GPATCH2L: variants seen among roughly 807,000 people sequenced by gnomAD.
GPATCH2L encodes the protein G patch domain-containing protein 2-like.
In GPATCH2L, 31 loss-of-function variants were observed where a neutral mutation model predicts 57.4. That is an observed-to-expected ratio of 0.54 (90% CI 0.41 to 0.73). The LOEUF is 0.73. Among genes scored for constraint, GPATCH2L ranks in the 30% least tolerant of loss-of-function variants. The pLI is 0.00. For synonymous variants in GPATCH2L, 199 were observed against 210.7 expected (o/e 0.94, Z 0.48); for missense variants, 481 against 599.9 (o/e 0.80, Z 2.07).
chr14:76,225,229 G>C (rs1425273408), intron 1 of GPATCH2L, among the ~76,000 whole-genome samples: 1 of 152,166 alleles, frequency 6.6e-6, no homozygotes, highest in East Asian at 1.9e-4. Flanking sequence ...TAAAGTTACA[G>C]TAATTAATAC....
At chr14:76,178,310 T>C in intron 7 of GPATCH2L, 1 of 1,346,976 alleles carries the variant, frequency 7.4e-7, no homozygotes, top group South Asian at 1.3e-5. Context: ...AGCCTAAACG[T>C]ATGGAGCAGA....
intron 1 of GPATCH2L, among the ~76,000 whole-genome samples, chr14:76,224,581 A>G (rs902257416): frequency 6.6e-6 from 1 of 152,150 alleles, no homozygotes; most frequent in Non-Finnish European, 1.5e-5. Flanking sequence ...CTTACAGGAA[A>G]TATCATAGTT....
Position 76,210,543 on chromosome 14 carries a change from A to T in GPATCH2L, c.*8692A>T, listed in dbSNP as rs1054322145. On this transcript the variant is annotated 3_prime_UTR_variant, in exon 10 of 10. Transcript: ENST00000261530. ...GGGCTCATCCCTTCTCTGTGCGTAC[A>T]TGATTGAAAGGAGATAGCCGGTTTC... 4 of 152,188 alleles carry T rather than the reference A, an allele frequency of 2.6e-5. No homozygotes were observed. The highest frequency in any genetic ancestry group is 6.6e-5 in the Admixed American group (1 of 15,266). The allele number at this position is 152,188 out of a possible 1,614,324, so 9.4% of individuals were successfully genotyped here.
chr14:76,199,958 A>G (rs1182626672), intron 9 of GPATCH2L, among the ~76,000 whole-genome samples: 2 of 152,240 alleles, frequency 1.3e-5, no homozygotes, highest in African/African-American at 2.4e-5. Context: ...AATTTGCCGT[A>G]TATATACAAT....
intron 2 of GPATCH2L, among the ~76,000 whole-genome samples, chr14:76,158,055 T>C (rs917599883): frequency 3.2e-4 from 48 of 152,246 alleles, no homozygotes; most frequent in African/African-American, 1.1e-3. Flanking sequence ...AGCTATTAGG[T>C]GACTGTAGCC....
intron 8 of GPATCH2L, among the ~76,000 whole-genome samples, chr14:76,185,813 C>T (rs2039744282): frequency 6.6e-6 from 1 of 151,974 alleles, no homozygotes; most frequent in Middle Eastern, 3.2e-3. Flanking sequence ...AAATGTTATA[C>T]GTGTTTCTTA....
chr14:76,189,762 A>G (rs2039897214), intron 8 of GPATCH2L, among the ~76,000 whole-genome samples: 1 of 152,108 alleles, frequency 6.6e-6, no homozygotes, highest in African/African-American at 2.4e-5. Context: ...GAAGGTGGGC[A>G]TCCTTATCAT....
intron 9 of GPATCH2L, among the ~76,000 whole-genome samples, chr14:76,200,904 G>A (rs2040293906): frequency 6.6e-6 from 1 of 152,170 alleles, no homozygotes. Flanking sequence ...GGGTAGAGAT[G>A]ATGGTGGTTT....
At chr14:76,186,616 A>G (rs1367183601) in intron 8 of GPATCH2L, among the ~76,000 whole-genome samples, 1 of 152,200 alleles carries the variant, frequency 6.6e-6, no homozygotes, top group African/African-American at 2.4e-5. Context: ...AGTATTGTCT[A>G]TAAGGCTGCC....
intron 2 of GPATCH2L, among the ~76,000 whole-genome samples, chr14:76,158,926 C>G (rs1179447080): frequency 6.6e-6 from 1 of 152,126 alleles, no homozygotes; most frequent in Non-Finnish European, 1.5e-5. Flanking sequence ...GAGTCTACCT[C>G]TTAAAAGAAA....
chr14:76,174,075 C>T (rs895320072), intron 5 of GPATCH2L: 1 of 163,544 alleles, frequency 6.1e-6, no homozygotes, highest in Admixed American at 6.4e-5. Context: ...TTCAAGAGCC[C>T]CTCCTTGGCC....
intron 8 of GPATCH2L, among the ~76,000 whole-genome samples, chr14:76,184,190 C>G (rs2039684638): frequency 6.6e-6 from 1 of 152,126 alleles, no homozygotes; most frequent in Admixed American, 6.6e-5. Flanking sequence ...CTGGCTGTTC[C>G]CAGGCTGTTT....
intron 1 of GPATCH2L, among the ~76,000 whole-genome samples, chr14:76,222,694 C>G (rs572938771): frequency 6.6e-6 from 1 of 151,836 alleles, no homozygotes; most frequent in Admixed American, 6.6e-5. Context: ...CAGTGGCCCA[C>G]GCCTGTAATC....
intron 2 of GPATCH2L, among the ~76,000 whole-genome samples, chr14:76,159,898 C>A (rs181163474): frequency 1.3e-5 from 2 of 151,958 alleles, no homozygotes; most frequent in Non-Finnish European, 2.9e-5. Flanking sequence ...TTTGGGAGGC[C>A]GAGGCAGGTG....
At chr14:76,231,963 TCTCACTGCAGC>T in intron 2 of GPATCH2L, among the ~76,000 whole-genome samples, 28 of 57,428 alleles carry the variant, frequency 4.9e-4, no homozygotes, top group South Asian at 8.8e-4. Flanking sequence ...GGCAAACACA[TCTCACTGCAGC>T]CTCACTGCAG....
chr14:76,173,463 G>A (rs902204314), intron 4 of GPATCH2L, 83 bp from the exon 5 acceptor site: 8 of 800,468 alleles, frequency 1.0e-5, no homozygotes, highest in South Asian at 9.0e-5. Context: ...GATCCTGGGG[G>A]TAAAGCCTTC....
rs1328873455 is a variant in GPATCH2L, at chr14:76,206,882, A to T, written c.*5031A>T. Reference sequence around the variant, plus strand: ...CCATAAGTAAAGAGATTTTTTTTGTATAATTCTTTGCAGAAACTGTTAATG... The same window carrying T: ...CCATAAGTAAAGAGATTTTTTTTGTTTAATTCTTTGCAGAAACTGTTAATG... On this transcript the variant is annotated 3_prime_UTR_variant, in exon 10 of 10. Coordinates refer to ENST00000261530, the MANE Select transcript of GPATCH2L (RefSeq NM_017926.4). 1 of 152,152 alleles carries T rather than the reference A, an allele frequency of 6.6e-6. No homozygotes were observed. The highest frequency in any genetic ancestry group is 2.4e-5 in the African/African-American group (1 of 41,432). 9.4% of individuals were successfully genotyped at this position (152,152 alleles called of 1,614,324 possible).
rs183823604 is a variant in GPATCH2L, at chr14:76,157,981, C to T, written c.662+2956C>T. Among the ~76,000 whole-genome samples the T allele has an allele frequency of 2.6e-5, 4 of 152,262 alleles. No individual in the cohort carries two copies. The East Asian group carries it at 5.8e-4, about 22-fold the overall frequency. ...TGAGTATTCTAAAGCAGAACAACTA[C>T]TGTAAAATTATTTTCTACTGATCTT... On this transcript the variant is annotated intron_variant, in intron 2 of 9. Transcript: ENST00000261530.
intron 1 of GPATCH2L, chr14:76,153,064 A>G (rs565681169): frequency 4.6e-5 from 13 of 285,700 alleles, no homozygotes; most frequent in South Asian, 3.7e-4. Context: ...CTTCGTTTGT[A>G]TGGTAGTTTT....
Sources: gnomAD v4.1 joint callset for allele counts (sites outside exome capture counted in the v4.1 genomes callset) on GRCh38, gnomAD v4.1.1 for gene constraint, MANE v1.5 for transcripts, NCBI Gene and HGNC (gene_info 2026-07-23, HGNC 2026-07-21) for gene names.